The following FMNL2 variants were observed in gnomAD, a reference collection of about 807,000 sequenced individuals.
FMNL2 encodes formin-like protein 2.
In FMNL2, 51 loss-of-function variants were observed where a neutral mutation model predicts 130.2. The ratio of observed to expected loss-of-function variants is 0.39; its 90% CI spans 0.31 to 0.49. The LOEUF (loss-of-function observed/expected upper bound fraction) is 0.49. FMNL2 is among the 20% of genes least tolerant of loss of function. The pLI, the probability that FMNL2 is intolerant of heterozygous loss-of-function variation, is 0.85. For missense variants in FMNL2, 977 were observed against 1,316.2 expected, an observed-to-expected ratio of 0.74 and a Z score of 3.99; for synonymous variants, 465 against 467.1, an observed-to-expected ratio of 1.00 and a Z score of 0.06.
chr2:152,397,603 C>T (rs910661526), intron 1 of FMNL2, among the ~76,000 whole-genome samples: 9 of 152,086 alleles, frequency 5.9e-5, no homozygotes, highest in Non-Finnish European at 2.9e-5. Flanking sequence ...GGAGTTTTCC[C>T]TCTTTCTCCT....
chr2:152,479,718 G>GTTTTTTTTTTT (rs749726414), intron 1 of FMNL2, among the ~76,000 whole-genome samples: 3 of 96,734 alleles, frequency 3.1e-5, no homozygotes, highest in Non-Finnish European at 4.2e-5. Flanking sequence ...GTTGTGGGTT[G>GTTTTTTTTTTT]TTTTTTTTTT....
intron 1 of FMNL2, among the ~76,000 whole-genome samples, chr2:152,446,742 A>G (rs1041960643): frequency 1.1e-4 from 16 of 152,344 alleles, no homozygotes; most frequent in African/African-American, 3.4e-4. Context: ...ATCTGCAGAT[A>G]TGCAAAGGAC....
intron 8 of FMNL2, among the ~76,000 whole-genome samples, chr2:152,579,300 G>A (rs1015506625): frequency 3.9e-5 from 6 of 152,254 alleles, no homozygotes; most frequent in Middle Eastern, 3.4e-3. Flanking sequence ...AAAGATTTAC[G>A]TATATCAGTT....
rs79030217 is a variant in FMNL2, at chr2:152,486,249, C to T, written c.118-35694C>T. On this transcript the variant is annotated intron_variant, in intron 1 of 25. Coordinates refer to ENST00000288670, the MANE Select transcript of FMNL2 (RefSeq NM_052905.4). ...GTTAATGTAATTTACGGGAAGTTCC[C>T]GTGCCACACTGCATGCTTTTGTGTG... Among the ~76,000 whole-genome samples, 1,391 of 152,292 alleles carry T rather than the reference C, an allele frequency of 9.1e-3. 25 individuals are homozygous for T. Among genetic ancestry groups the T allele is most frequent in the African/African-American group, 0.031 (1,305 of 41,546 alleles).
intron 1 of FMNL2, among the ~76,000 whole-genome samples, chr2:152,498,472 A>G (rs1455993055): frequency 6.6e-6 from 1 of 152,040 alleles, no homozygotes; most frequent in Non-Finnish European, 1.5e-5. Flanking sequence ...TTAACTTTAT[A>G]TTATCTGGGT....
chr2:152,622,769 C>T lies in FMNL2; in HGVS notation c.1838-2669C>T, dbSNP rs1365650738. On this transcript the variant is annotated intron_variant, in intron 15 of 25. Transcript: ENST00000288670. ...AAGAGACTATTGTCCTTGAAGCAGACATCCTGGATTCATATGCCCTCTTCC... is the reference window on the plus strand; with the variant it reads ...AAGAGACTATTGTCCTTGAAGCAGATATCCTGGATTCATATGCCCTCTTCC... 2.0e-5 allele frequency among the ~76,000 whole-genome samples: 3 copies of T among 151,242 alleles called. No homozygotes were observed. In the South Asian group the frequency reaches 6.3e-4, roughly 32 times the overall value.
chr2:152,614,783 T>A (rs1559010341), intron 11 of FMNL2, 68 bp from the exon 12 acceptor site: 3 of 1,370,004 alleles, frequency 2.2e-6, no homozygotes, highest in East Asian at 4.8e-5. Flanking sequence ...AAAGACAGAC[T>A]CTTAGGAAAT....
chr2:152,355,312 A>G (rs1011985033), intron 1 of FMNL2, among the ~76,000 whole-genome samples: 10 of 152,218 alleles, frequency 6.6e-5, no homozygotes, highest in Non-Finnish European at 1.5e-4. Flanking sequence ...GAGTTAGATG[A>G]TATCTTTTTC....
intron 23 of FMNL2, 73 bp downstream of exon 23, chr2:152,637,747 T>G: frequency 1.5e-6 from 2 of 1,375,046 alleles, no homozygotes; most frequent in South Asian, 1.2e-5. Flanking sequence ...GAGTCCCAAC[T>G]CTCTGCAGAG....
chr2:152,468,226 A>G lies in FMNL2; in HGVS notation c.118-53717A>G, dbSNP rs1024323153. Among the ~76,000 whole-genome samples, 21 of 152,108 alleles carry G rather than the reference A, an allele frequency of 1.4e-4. No individual in the cohort carries two copies. The South Asian group carries it at 4.4e-3, about 32-fold the overall frequency. ...TAAGAAACTAATTCCCCTGATACAT[A>G]ATGAGATTTCTCTCTTGTTTCCTCA... On this transcript the variant is annotated intron_variant, in intron 1 of 25. Transcript: ENST00000288670.
At chr2:152,630,005 T>A in intron 20 of FMNL2, 100 bp downstream of exon 20, 4 of 1,079,400 alleles carry the variant, frequency 3.7e-6, no homozygotes, top group Non-Finnish European at 4.0e-6. Context: ...TATTTTCTGC[T>A]ATGGGAGGAT....
intron 15 of FMNL2, among the ~76,000 whole-genome samples, chr2:152,622,043 ATAG>A (rs1283793794): frequency 1.3e-5 from 2 of 152,132 alleles, no homozygotes; most frequent in African/African-American, 4.8e-5. Flanking sequence ...TATAGAGAAA[ATAG>A]TAGTAGTGTG....
intron 1 of FMNL2, among the ~76,000 whole-genome samples, chr2:152,436,236 GC>G (rs914755986): frequency 2.0e-5 from 3 of 151,810 alleles, no homozygotes; most frequent in African/African-American, 7.3e-5. Flanking sequence ...CACTATCTTG[GC>G]TCACTGCAGC....
intron 1 of FMNL2, among the ~76,000 whole-genome samples, chr2:152,454,030 C>T (rs867101014): frequency 1.3e-5 from 2 of 152,074 alleles, no homozygotes; most frequent in Non-Finnish European, 2.9e-5. Flanking sequence ...CCCAGCACTT[C>T]GGGAGGCTGA....
At chr2:152,640,680 G>GT in intron 24 of FMNL2, 111 bp from the exon 25 acceptor site, 1 of 1,340,266 alleles carries the variant, frequency 7.5e-7, no homozygotes, top group Non-Finnish European at 1.0e-6. Context: ...ATGTGTGTGT[G>GT]TTTTTGGCCG....
At chr2:152,548,346 C>T (rs546443864) in intron 3 of FMNL2, among the ~76,000 whole-genome samples, 2 of 152,304 alleles carry the variant, frequency 1.3e-5, no homozygotes, top group East Asian at 3.9e-4. Context: ...GGGGAAAGTT[C>T]CTACCATTTC....
At chr2:152,642,967 C>A (rs1016591697) in intron 25 of FMNL2, among the ~76,000 whole-genome samples, 4 of 151,930 alleles carry the variant, frequency 2.6e-5, no homozygotes, top group Admixed American at 1.3e-4. Context: ...TGAGATCATG[C>A]CACTGCACTC....
chr2:152,581,104 C>T (rs898696900), intron 9 of FMNL2, 55 bp downstream of exon 9: 1 of 1,478,134 alleles, frequency 6.8e-7, no homozygotes. Flanking sequence ...ATTTGGACAT[C>T]TTTGAACGGA....
chr2:152,530,224 T>G (rs1434984723), intron 2 of FMNL2, among the ~76,000 whole-genome samples: 1 of 152,234 alleles, frequency 6.6e-6, no homozygotes, highest in Non-Finnish European at 1.5e-5. Context: ...CTAAGCAAAT[T>G]AAAATGATTT....
Sources: allele counts gnomAD v4.1 joint callset (sites outside exome capture counted in the v4.1 genomes callset), GRCh38; gene constraint gnomAD v4.1.1; transcripts MANE v1.5; gene names NCBI Gene and HGNC (gene_info 2026-07-23, HGNC 2026-07-21).